DPP6: variants seen among roughly 807,000 people sequenced by gnomAD.
The protein encoded by DPP6 is A-type potassium channel modulatory protein DPP6.
A neutral mutation model predicts 122.6 loss-of-function variants in DPP6; 69 were observed. The observed-to-expected ratio is 0.56, with a 90% confidence interval of 0.46 to 0.69. The LOEUF (loss-of-function observed/expected upper bound fraction) is 0.69, where lower values mean the gene tolerates loss of function less well. DPP6 is among the 30% of genes least tolerant of loss of function. The pLI, the probability that DPP6 is intolerant of heterozygous loss-of-function variation, is 0.00. For synonymous variants in DPP6, 418 were observed against 433.1 expected (o/e 0.97, Z 0.43); for missense variants, 928 against 1,116.9 (o/e 0.83, Z 2.41).
intron 1 of DPP6, among the ~76,000 whole-genome samples, chr7:153,908,868 C>T (rs947436047): frequency 1.3e-5 from 2 of 152,174 alleles, no homozygotes; most frequent in Admixed American, 6.5e-5. Context: ...ATTCTCCTGC[C>T]TCAGCCTCCT....
intron 1 of DPP6, among the ~76,000 whole-genome samples, chr7:154,233,729 C>G (rs891124314): frequency 1.3e-5 from 2 of 152,190 alleles, no homozygotes; most frequent in African/African-American, 4.8e-5. Context: ...CCTGATGACA[C>G]CTTGATCTCA....
At chr7:154,249,927 G>A (rs534223168) in intron 1 of DPP6, among the ~76,000 whole-genome samples, 27 of 152,288 alleles carry the variant, frequency 1.8e-4, no homozygotes, top group South Asian at 4.1e-4. Context: ...AGGCAGAAAT[G>A]AAATCCACAG....
intron 1 of DPP6, among the ~76,000 whole-genome samples, chr7:154,018,357 G>A (rs965604378): frequency 6.6e-6 from 1 of 152,082 alleles, no homozygotes; most frequent in African/African-American, 2.4e-5. Context: ...GCAGGAGAAA[G>A]GCACTGAAAG....
At chr7:154,741,790 C>T (rs1177490181) in intron 8 of DPP6, among the ~76,000 whole-genome samples, 1 of 152,188 alleles carries the variant, frequency 6.6e-6, no homozygotes, top group Non-Finnish European at 1.5e-5. Context: ...TATGGGTCCA[C>T]TCAGATGCTC....
intron 1 of DPP6, among the ~76,000 whole-genome samples, chr7:154,199,376 C>T (rs75863520): frequency 0.025 from 3,848 of 152,214 alleles, 184 homozygotes; most frequent in African/African-American, 0.087. Context: ...TTCTACATTG[C>T]CTCACCTGGT....
At chr7:153,775,879 C>A in the DPP6 span, among the ~76,000 whole-genome samples, 1 of 152,094 alleles carries the variant, frequency 6.6e-6, no homozygotes, top group African/African-American at 2.4e-5. Flanking sequence ...TTTACAGGAT[C>A]TGTATGCTGA....
At chr7:154,248,944 G>T (rs1370026587) in intron 1 of DPP6, among the ~76,000 whole-genome samples, 3 of 152,018 alleles carry the variant, frequency 2.0e-5, no homozygotes, top group Non-Finnish European at 4.4e-5. Context: ...TTTACTTCAA[G>T]GAAAGAAAAA....
intron 1 of DPP6, among the ~76,000 whole-genome samples, chr7:154,435,576 G>A (rs751922773): frequency 5.3e-5 from 8 of 152,200 alleles, no homozygotes; most frequent in African/African-American, 7.2e-5. Flanking sequence ...AAACAGAGAC[G>A]GGGATGTGCA....
intron 1 of DPP6, among the ~76,000 whole-genome samples, chr7:154,186,470 G>T (rs1462541196): frequency 6.6e-6 from 1 of 152,236 alleles, no homozygotes; most frequent in Non-Finnish European, 1.5e-5. Context: ...GTTTCAGATG[G>T]ACACTCCCTC....
intron 16 of DPP6, among the ~76,000 whole-genome samples, chr7:154,835,961 A>G (rs1366742406): frequency 6.6e-6 from 1 of 152,174 alleles, no homozygotes; most frequent in Non-Finnish European, 1.5e-5. Context: ...GATGGTGGAA[A>G]GGATTCCTGT....
intron 7 of DPP6, among the ~76,000 whole-genome samples, chr7:154,698,297 T>C (rs1840329868): frequency 6.6e-6 from 1 of 152,154 alleles, no homozygotes; most frequent in South Asian, 2.1e-4. Context: ...AGCTGGACCA[T>C]GTATAATATT....
At chr7:154,354,041 G>A (rs1811084679) in intron 1 of DPP6, among the ~76,000 whole-genome samples, 1 of 152,156 alleles carries the variant, frequency 6.6e-6, no homozygotes, top group Admixed American at 6.5e-5. Flanking sequence ...CTAAGCCCAG[G>A]GGATTAAGAG....
chr7:154,102,706 A>G (rs1043520713), intron 1 of DPP6, among the ~76,000 whole-genome samples: 12 of 152,188 alleles, frequency 7.9e-5, no homozygotes, highest in African/African-American at 2.7e-4. Context: ...GGATAACTGA[A>G]TGGACAACTA....
At chr7:154,392,051 A>T (rs748979028) in intron 1 of DPP6, among the ~76,000 whole-genome samples, 1 of 152,196 alleles carries the variant, frequency 6.6e-6, no homozygotes, top group Non-Finnish European at 1.5e-5. Flanking sequence ...AGGCAGGCAG[A>T]TCAGTTGAGC....
chr7:154,121,278 CTAT>C (rs1244778194), intron 1 of DPP6, among the ~76,000 whole-genome samples: 1 of 152,170 alleles, frequency 6.6e-6, no homozygotes, highest in Non-Finnish European at 1.5e-5. Flanking sequence ...TACTTCTGCT[CTAT>C]TATTTATTGT....
At chr7:154,412,884 C>T (rs773302727) in intron 1 of DPP6, among the ~76,000 whole-genome samples, 11 of 152,162 alleles carry the variant, frequency 7.2e-5, no homozygotes, top group African/African-American at 1.4e-4. Context: ...GTGCTTTTTG[C>T]CTGAGATGTT....
intron 16 of DPP6, among the ~76,000 whole-genome samples, chr7:154,846,935 C>T (rs554839917): frequency 2.2e-4 from 27 of 124,470 alleles, no homozygotes; most frequent in Admixed American, 3.2e-4. Flanking sequence ...TCTGCATGCT[C>T]TATAATATTC....
intron 1 of DPP6, among the ~76,000 whole-genome samples, chr7:154,438,012 C>T (rs1404177088): frequency 6.6e-6 from 1 of 152,040 alleles, no homozygotes. Context: ...ACCTAGTCTT[C>T]GAGTGTAAGT....
intron 1 of DPP6, among the ~76,000 whole-genome samples, chr7:154,090,964 C>CA (rs1194145271): frequency 2.7e-5 from 4 of 149,518 alleles, no homozygotes; most frequent in African/African-American, 5.0e-5. Flanking sequence ...ACTAAAAATA[C>CA]AAAAAAATTA....
Sources: gnomAD v4.1 joint callset for allele counts (sites outside exome capture counted in the v4.1 genomes callset) on GRCh38, gnomAD v4.1.1 for gene constraint, MANE v1.5 for transcripts, NCBI Gene and HGNC (gene_info 2026-07-23, HGNC 2026-07-21) for gene names.